Variants in CDH18 observed in about 807,000 individuals in gnomAD.
The protein encoded by CDH18 is cadherin-18.
Under a neutral mutation model 67.9 loss-of-function variants are expected in CDH18, and 31 were observed. The observed-to-expected ratio is 0.46, with a 90% CI of 0.34 to 0.62. The LOEUF is 0.62. Ranked by LOEUF, CDH18 falls within the 20% of genes least tolerant of loss-of-function variation. The pLI, the probability that CDH18 is intolerant of heterozygous loss-of-function variation, is 0.01. For missense variants in CDH18, 890 were observed against 975.5 expected (o/e 0.91, Z 1.17); for synonymous variants, 362 against 347.2 (o/e 1.04, Z -0.48).
At chr5:20,553,312 C>T (rs1345490101) in intron 1 of CDH18, among the ~76,000 whole-genome samples, 2 of 152,034 alleles carry the variant, frequency 1.3e-5, no homozygotes, top group African/African-American at 4.8e-5. Context: ...TCTTTCTTAA[C>T]ATCATAATTG....
At chr5:19,497,422 A>G (rs966717881) in intron 11 of CDH18, among the ~76,000 whole-genome samples, 3 of 152,200 alleles carry the variant, frequency 2.0e-5, no homozygotes, top group Admixed American at 6.5e-5. Context: ...TTCCCAGCAC[A>G]TGTCACAGTA....
At chr5:19,645,459 G>T (rs1346362573) in intron 5 of CDH18, among the ~76,000 whole-genome samples, 1 of 152,144 alleles carries the variant, frequency 6.6e-6, no homozygotes, top group Non-Finnish European at 1.5e-5. Flanking sequence ...GGTAGAGAGG[G>T]CTAAATAACG....
intron 1 of CDH18, among the ~76,000 whole-genome samples, chr5:20,525,275 T>C (rs1581151189): frequency 1.3e-5 from 2 of 152,238 alleles, no homozygotes; most frequent in African/African-American, 4.8e-5. Flanking sequence ...CTAACTGAAT[T>C]ACAAAGTCTG....
chr5:19,722,882 T>A (rs1046454898), intron 4 of CDH18, among the ~76,000 whole-genome samples: 10 of 152,178 alleles, frequency 6.6e-5, no homozygotes, highest in Admixed American at 6.5e-4. Flanking sequence ...AATAGTTTTT[T>A]ATTTTAGTAA....
intron 3 of CDH18, among the ~76,000 whole-genome samples, chr5:19,811,313 C>T (rs1778720825): frequency 6.6e-6 from 1 of 151,924 alleles, no homozygotes. Context: ...CTTTACAGGG[C>T]TAATCAATGT....
chr5:19,573,330 G>A (rs57022955), intron 7 of CDH18, among the ~76,000 whole-genome samples: 1 of 151,694 alleles, frequency 6.6e-6, no homozygotes, highest in Admixed American at 6.6e-5. Context: ...CCAGGCTGGA[G>A]TGCAGTGGTG....
At chr5:19,856,606 A>G (rs1333667219) in intron 2 of CDH18, among the ~76,000 whole-genome samples, 3 of 152,102 alleles carry the variant, frequency 2.0e-5, no homozygotes, top group Non-Finnish European at 4.4e-5. Context: ...GTCTTCAAAG[A>G]GGTTATCAAG....
At chr5:19,521,485 T>A (rs958469648) in intron 9 of CDH18, among the ~76,000 whole-genome samples, 1 of 152,182 alleles carries the variant, frequency 6.6e-6, no homozygotes, top group African/African-American at 2.4e-5. Flanking sequence ...AGCTAGAGAT[T>A]CAGAATACAT....
intron 3 of CDH18, among the ~76,000 whole-genome samples, chr5:19,756,072 A>G (rs1442920712): frequency 6.6e-6 from 1 of 152,118 alleles, no homozygotes; most frequent in Non-Finnish European, 1.5e-5. Context: ...GATCATGCAT[A>G]ATCTTCAAAT....
At chr5:20,405,441 A>G (rs935305999) in intron 1 of CDH18, among the ~76,000 whole-genome samples, 39 of 152,200 alleles carry the variant, frequency 2.6e-4, no homozygotes, top group Non-Finnish European at 4.0e-4. Flanking sequence ...TTAATTCAAG[A>G]TGGATTAAAA....
chr5:20,431,487 C>CA (rs560015111), intron 1 of CDH18, among the ~76,000 whole-genome samples: 2,333 of 66,094 alleles, frequency 0.035, 28 homozygotes, highest in Non-Finnish European at 0.047. Flanking sequence ...GAGTGAAACT[C>CA]AAAAAAAAAA....
intron 1 of CDH18, among the ~76,000 whole-genome samples, chr5:20,486,005 A>C (rs1282569778): frequency 6.6e-6 from 1 of 152,204 alleles, no homozygotes; most frequent in Admixed American, 6.5e-5. Context: ...TAACAGATAA[A>C]GAAGGGGCTT....
chr5:20,565,003 T>C (rs558854293), intron 1 of CDH18, among the ~76,000 whole-genome samples: 4 of 152,204 alleles, frequency 2.6e-5, no homozygotes, highest in Non-Finnish European at 4.4e-5. Context: ...TTAGCACCAC[T>C]TCAAAGCTAG....
intron 2 of CDH18, among the ~76,000 whole-genome samples, chr5:20,078,801 A>C (rs1744190200): frequency 6.6e-6 from 1 of 152,040 alleles, no homozygotes; most frequent in African/African-American, 2.4e-5. Flanking sequence ...TTTTTAGCAG[A>C]GACAGGGTCT....
chr5:19,545,765 C>T (rs1036007435), intron 8 of CDH18, among the ~76,000 whole-genome samples: 1 of 152,004 alleles, frequency 6.6e-6, no homozygotes, highest in African/African-American at 2.4e-5. Flanking sequence ...GCCTTAAATG[C>T]CCATTAGATA....
At chr5:20,124,008 T>C (rs1748609804) in intron 2 of CDH18, among the ~76,000 whole-genome samples, 1 of 151,880 alleles carries the variant, frequency 6.6e-6, no homozygotes, top group South Asian at 2.1e-4. Flanking sequence ...GTAAAAACTA[T>C]CCAGACAAAT....
chr5:20,208,925 A>G (rs534914827), intron 2 of CDH18, among the ~76,000 whole-genome samples: 1 of 152,274 alleles, frequency 6.6e-6, no homozygotes, highest in East Asian at 1.9e-4. Context: ...GAATCTGATT[A>G]AAATTGGGCA....
intron 2 of CDH18, among the ~76,000 whole-genome samples, chr5:19,923,059 G>T (rs1453467554): frequency 6.6e-6 from 1 of 151,786 alleles, no homozygotes; most frequent in African/African-American, 2.4e-5. Context: ...TGATTTCTTC[G>T]AGCAATAGGG....
intron 2 of CDH18, among the ~76,000 whole-genome samples, chr5:19,883,458 G>A (rs199694319): frequency 0.014 from 1,257 of 91,632 alleles, 16 homozygotes; most frequent in Non-Finnish European, 0.019. Context: ...TTTTTTTTTT[G>A]GTAGGGCTTT....
Sources: gnomAD v4.1 joint callset for allele counts (sites outside exome capture counted in the v4.1 genomes callset) on GRCh38, gnomAD v4.1.1 for gene constraint, MANE v1.5 for transcripts, NCBI Gene and HGNC (gene_info 2026-07-23, HGNC 2026-07-21) for gene names.